PCDHA8: variants seen among roughly 807,000 people sequenced by gnomAD.
PCDHA8 encodes the protein protocadherin alpha-8.
Under a neutral mutation model 61.8 loss-of-function variants are expected in PCDHA8, and 53 were observed. The ratio of observed to expected loss-of-function variants is 0.86; its 90% CI spans 0.69 to 1.08. PCDHA8 has a LOEUF of 1.08. Among genes scored for constraint, PCDHA8 ranks in the 50% least tolerant of loss-of-function variants. The pLI, the probability that PCDHA8 is intolerant of heterozygous loss-of-function variation, is 0.00. For synonymous variants in PCDHA8, 618 were observed against 556.6 expected (o/e 1.11, Z -1.55); for missense variants, 1,293 against 1,245.0 (o/e 1.04, Z -0.58).
At chr5:140,991,505 G>T (rs2097456335) in intron 3 of PCDHA8, among the ~76,000 whole-genome samples, 1 of 152,180 alleles carries the variant, frequency 6.6e-6, no homozygotes, top group Admixed American at 6.5e-5. Context: ...AGTTTCACTG[G>T]CTAAAATCAA....
At chr5:140,896,318 C>T (rs1036368074) in intron 1 of PCDHA8, among the ~76,000 whole-genome samples, 8 of 152,150 alleles carry the variant, frequency 5.3e-5, no homozygotes, top group African/African-American at 1.9e-4. Flanking sequence ...AACTGCTTTC[C>T]ACAGTGGCTA....
chr5:140,882,898 A>T lies in PCDHA8; in HGVS notation c.2394+39183A>T, dbSNP rs781828373. 6 of 1,614,100 alleles carry T rather than the reference A, an allele frequency of 3.7e-6. No individual in the cohort carries two copies. In the Admixed American group the frequency reaches 5.0e-5, roughly 13 times the overall value. On this transcript the variant is annotated intron_variant, in intron 1 of 3. Coordinates refer to ENST00000531613, the MANE Select transcript of PCDHA8 (RefSeq NM_018911.3). ...GAGAGGAAATTCAGGAACATAGTTT[A>T]TTACTGACAGCCAGTGATGGAGGTA...
At chr5:140,898,818 A>G (rs2066994592) in intron 1 of PCDHA8, among the ~76,000 whole-genome samples, 1 of 152,216 alleles carries the variant, frequency 6.6e-6, no homozygotes, top group Admixed American at 6.5e-5. Flanking sequence ...CTTCCTACCC[A>G]TGAGCATGGA....
intron 3 of PCDHA8, among the ~76,000 whole-genome samples, chr5:140,988,762 C>T (rs546274253): frequency 6.6e-6 from 1 of 152,308 alleles, no homozygotes; most frequent in South Asian, 2.1e-4. Context: ...GGGCAGAATA[C>T]AGTCATGGTT....
intron 1 of PCDHA8, among the ~76,000 whole-genome samples, chr5:140,942,008 T>C (rs155814): frequency 0.3 from 44,965 of 152,110 alleles, 7,230 homozygotes; most frequent in East Asian, 0.53. Flanking sequence ...CTCTTATTAT[T>C]AATTTTGGGA....
At chr5:140,932,549 C>T (rs1222820851) in intron 1 of PCDHA8, among the ~76,000 whole-genome samples, 1 of 151,864 alleles carries the variant, frequency 6.6e-6, no homozygotes, top group African/African-American at 2.4e-5. Context: ...ATTTAACATA[C>T]ATTCCACAAG....
At chr5:140,997,335 A>G (rs2097768018) in intron 3 of PCDHA8, among the ~76,000 whole-genome samples, 1 of 152,230 alleles carries the variant, frequency 6.6e-6, no homozygotes, top group African/African-American at 2.4e-5. Context: ...TTCGTTGTAC[A>G]AATATCATAG....
rs1391862843 is a variant in PCDHA8 at position 140,842,643 on chromosome 5, T to C, written c.1322T>C (p.Leu441Ser). ...CCTTCGCTGTGGGCCACCGCCAGCT[T>C]GTCTGTGGAGGTGGCCGACGTGAAC... is the stretch of plus-strand genomic sequence containing the variant. ...GSPSLWATAS[L>S]SVEVADVNDN... The change falls in exon 1 of 4, where the codon TTG becomes TCG. Residue 441 changes from leucine to serine, a missense_variant. Transcript: ENST00000531613. 6.3e-7 allele frequency: 1 copy of C among 1,595,190 alleles called. No individual in the cohort carries two copies. The highest frequency in any genetic ancestry group is 8.6e-7 in the Non-Finnish European group (1 of 1,165,438).
intron 1 of PCDHA8, chr5:140,859,407 TA>T (rs1351466050): frequency 4.1e-6 from 1 of 244,528 alleles, no homozygotes; most frequent in African/African-American, 2.3e-5. Context: ...AGGGTTGGGT[TA>T]GATGATATAG....
chr5:140,943,257 CAAA>C (rs1238620023), intron 1 of PCDHA8, among the ~76,000 whole-genome samples: 2 of 77,570 alleles, frequency 2.6e-5, no homozygotes. Flanking sequence ...GACTCTGTCT[CAAA>C]AAAAAAAAAA....
rs73793505 is a variant in PCDHA8, at chr5:140,858,470, T to C, written c.2394+14755T>C. The C allele has an allele frequency of 3.2e-3, 4,807 of 1,519,778 alleles. 358 individuals are homozygous for C. In the African/African-American group the frequency reaches 0.058, roughly 18 times the overall value. 94.1% of individuals were successfully genotyped at this position (1,519,778 alleles called of 1,614,324 possible). A position where few individuals can be genotyped will look rare whatever the true frequency, so the allele number is the denominator to read the frequency against. On this transcript the variant is annotated intron_variant, in intron 1 of 3. Transcript: ENST00000531613. ...TTACGTTTTCATTTTCCTTTTGTGC[T>C]TTATGAATAATATTTTCTCTTACCG...
rs2042053771 is a variant in PCDHA8, at chr5:140,851,409, G to T, written c.2394+7694G>T. The T allele has an allele frequency of 1.7e-5, 16 of 964,844 alleles. 3 individuals are homozygous for T. Among genetic ancestry groups the T allele is most frequent in the Non-Finnish European group, 1.6e-5 (13 of 797,918 alleles). The allele number at this position is 964,844 out of a possible 1,614,324, so 59.8% of individuals were successfully genotyped here. On this transcript the variant is annotated intron_variant, in intron 1 of 3. Transcript: ENST00000531613. ...CAGTATCTATTATTTTAATAAGAAA[G>T]AAACTTCCCCTAAACTTTAGAAAAC...
At chr5:140,938,719 T>A (rs1484492024) in intron 1 of PCDHA8, among the ~76,000 whole-genome samples, 2 of 152,098 alleles carry the variant, frequency 1.3e-5, no homozygotes, top group African/African-American at 4.8e-5. Context: ...TAGAAACGCG[T>A]TTCTACAGAA....
At chr5:140,962,270 A>T (rs2095668540) in intron 1 of PCDHA8, among the ~76,000 whole-genome samples, 1 of 152,210 alleles carries the variant, frequency 6.6e-6, no homozygotes, top group African/African-American at 2.4e-5. Context: ...TTTATAATTT[A>T]AAAAACCTCA....
At chr5:140,869,546 C>T (rs201504685) in intron 1 of PCDHA8, 3 of 1,614,170 alleles carry the variant, frequency 1.9e-6, no homozygotes, top group Middle Eastern at 1.6e-4. Flanking sequence ...TCTAAGCAAT[C>T]GGACTCGCGT....
intron 1 of PCDHA8, chr5:140,928,384 C>G (rs246074): frequency 0.52 from 841,304 of 1,613,674 alleles, 221,696 homozygotes; most frequent in African/African-American, 0.71. Flanking sequence ...CTCTAGCTTG[C>G]TGGCAGTGGA....
intron 1 of PCDHA8, among the ~76,000 whole-genome samples, chr5:140,894,264 G>A (rs1231047220): frequency 1.3e-5 from 2 of 151,820 alleles, no homozygotes; most frequent in African/African-American, 4.8e-5. Flanking sequence ...ACAAGTGGTA[G>A]CTTATTTACA....
At chr5:140,854,341 G>A (rs1388413417) in intron 1 of PCDHA8, 1 of 189,830 alleles carries the variant, frequency 5.3e-6, no homozygotes, top group Non-Finnish European at 9.6e-6. Flanking sequence ...TTACGCTCCA[G>A]ATAGCTAAAA....
chr5:140,860,530 T>C (rs1210536247), intron 1 of PCDHA8: 1 of 152,180 alleles, frequency 6.6e-6, no homozygotes, highest in Non-Finnish European at 1.5e-5. Flanking sequence ...GAATTCTGAT[T>C]TGTAAGACAA....
Sources: allele counts gnomAD v4.1 joint callset (sites outside exome capture counted in the v4.1 genomes callset), GRCh38; gene constraint gnomAD v4.1.1; transcripts MANE v1.5; gene names NCBI Gene and HGNC (gene_info 2026-07-23, HGNC 2026-07-21).